MYO3B: variants seen among roughly 807,000 people sequenced by gnomAD.
The protein encoded by MYO3B is myosin IIIB, also known as myosin-IIIb.
MYO3B carries 156 observed loss-of-function variants against 174.6 expected under a neutral mutation model. The ratio of observed to expected loss-of-function variants is 0.89; its 90% CI spans 0.78 to 1.02. The LOEUF (loss-of-function observed/expected upper bound fraction) is 1.02, where lower values mean the gene tolerates loss of function less well. Ranked by LOEUF, MYO3B falls within the 50% of genes least tolerant of loss-of-function variation. MYO3B has a pLI of 0.00. For synonymous variants in MYO3B, 563 were observed against 569.1 expected (o/e 0.99, Z 0.15); for missense variants, 1,632 against 1,639.4 (o/e 1.00, Z 0.08).
chr2:170,416,509 C>T (rs1444865348), intron 22 of MYO3B, among the ~76,000 whole-genome samples: 4 of 131,278 alleles, frequency 3.0e-5, no homozygotes, highest in East Asian at 2.3e-4. Context: ...GGCAACAGAG[C>T]GAGACTCCGT....
At chr2:170,635,064 A>G (rs528370993) in intron 32 of MYO3B, among the ~76,000 whole-genome samples, 2 of 152,350 alleles carry the variant, frequency 1.3e-5, no homozygotes, top group East Asian at 3.8e-4. Flanking sequence ...CGATTCCTCA[A>G]GGATCCAGAA....
intron 25 of MYO3B, among the ~76,000 whole-genome samples, chr2:170,491,193 C>T (rs1161163155): frequency 6.6e-6 from 1 of 152,122 alleles, no homozygotes; most frequent in Non-Finnish European, 1.5e-5. Context: ...TAACACTATA[C>T]ATTTCTAAAT....
intron 30 of MYO3B, among the ~76,000 whole-genome samples, chr2:170,539,821 C>T (rs952637107): frequency 4.6e-5 from 7 of 151,872 alleles, no homozygotes; most frequent in Non-Finnish European, 7.4e-5. Flanking sequence ...AGGGTTTCAC[C>T]ATGTTGCCCA....
Position 170,466,489 on chromosome 2 carries a change from A to C in MYO3B, c.2809-17A>C, listed in dbSNP as rs1210794422. The C allele has an allele frequency of 1.2e-6, 2 of 1,612,754 alleles. No individual in the cohort carries two copies. The highest frequency in any genetic ancestry group is 1.7e-5 in the Admixed American group (1 of 59,984). Reference sequence around the variant, plus strand: ...TTGGTGGTAACCTTGTTCCTTGTGCATTTTTCTCCCTGGTAGTATTCTCTG... The same window carrying C: ...TTGGTGGTAACCTTGTTCCTTGTGCCTTTTTCTCCCTGGTAGTATTCTCTG... On this transcript the variant is annotated splice_polypyrimidine_tract_variant and intron_variant, in intron 24 of 34. Transcript: ENST00000408978.
intron 30 of MYO3B, among the ~76,000 whole-genome samples, chr2:170,535,142 G>T (rs1318310536): frequency 6.6e-6 from 1 of 152,132 alleles, no homozygotes; most frequent in Non-Finnish European, 1.5e-5. Context: ...CTTGAATGTA[G>T]GTTCATGAGC....
chr2:170,372,863 A>G (rs1460736224), intron 9 of MYO3B, among the ~76,000 whole-genome samples: 2 of 152,168 alleles, frequency 1.3e-5, no homozygotes, highest in Non-Finnish European at 2.9e-5. Flanking sequence ...AAGAAAGAGC[A>G]ATGAGCAAAG....
chr2:170,188,278 C>CT (rs1482155430), intron 1 of MYO3B, among the ~76,000 whole-genome samples: 2 of 152,198 alleles, frequency 1.3e-5, no homozygotes, highest in East Asian at 3.9e-4. Flanking sequence ...TACCTCTGCT[C>CT]TTTTTTGGCT....
intron 12 of MYO3B, chr2:170,384,020 CAT>C (rs2094355439): frequency 2.0e-6 from 1 of 510,802 alleles, no homozygotes; most frequent in Non-Finnish European, 3.5e-6. Context: ...TTTCAAGAAA[CAT>C]AAAACAGTCA....
chr2:170,421,987 A>C (rs2094618978), intron 22 of MYO3B, among the ~76,000 whole-genome samples: 1 of 152,132 alleles, frequency 6.6e-6, no homozygotes, highest in African/African-American at 2.4e-5. Flanking sequence ...GGAATGAAGA[A>C]CTCTGAACTG....
At position 170,374,758 on chromosome 2, in the gene MYO3B, TACACACACACACAC is replaced by T. The variant is rs201921789; in HGVS notation, c.971+5410_971+5423del. Among the ~76,000 whole-genome samples, 81 of 140,068 alleles carry T rather than the reference TACACACACACACAC, an allele frequency of 5.8e-4. No individual in the cohort carries two copies. In the South Asian group the frequency reaches 0.016, roughly 27 times the overall value. 91.9% of individuals were successfully genotyped at this position (140,068 alleles called of 152,430 possible). On this transcript the variant is annotated intron_variant, in intron 9 of 34. Transcript: ENST00000408978. ...CTCTCTATATATATATATGCATACA[TACACACACACACAC>T]ACACACACACACACACACACACACA...
intron 6 of MYO3B, 85 bp downstream of exon 6, chr2:170,217,480 C>A: frequency 8.4e-7 from 1 of 1,195,928 alleles, no homozygotes; most frequent in Non-Finnish European, 1.2e-6. Context: ...ATATGCTTTG[C>A]AGAATTTTTA....
At chr2:170,622,264 GA>G (rs1201644782) in intron 32 of MYO3B, among the ~76,000 whole-genome samples, 1 of 152,114 alleles carries the variant, frequency 6.6e-6, no homozygotes, top group Non-Finnish European at 1.5e-5. Flanking sequence ...GTACAGTTTT[GA>G]AGCTAGAAAT....
intron 32 of MYO3B, among the ~76,000 whole-genome samples, chr2:170,555,807 G>A (rs575404904): frequency 6.6e-6 from 1 of 152,260 alleles, no homozygotes; most frequent in Non-Finnish European, 1.5e-5. Context: ...AGGAGGTCGA[G>A]GGTGCAGTGA....
intron 22 of MYO3B, among the ~76,000 whole-genome samples, chr2:170,412,603 A>G (rs1044513077): frequency 7.2e-5 from 11 of 152,192 alleles, no homozygotes; most frequent in Admixed American, 1.3e-4. Context: ...GTAAAGCACT[A>G]TAACACCTTC....
rs1698760847 is a variant in MYO3B, at chr2:170,649,262, AAT to A, written c.3734-2361_3734-2360del. ...ATATATTATATATAAAATAATATAT[AAT>A]ATATTATATATAAAATAATATATAT... is the stretch of plus-strand genomic sequence containing the variant. On this transcript the variant is annotated intron_variant, in intron 32 of 34. Transcript: ENST00000408978. Among the ~76,000 whole-genome samples the A allele has an allele frequency of 5.2e-5, 2 of 38,112 alleles. 1 individual carries two copies. The highest frequency in any genetic ancestry group is 3.7e-4 in the African/African-American group (2 of 5,434). 25.0% of individuals were successfully genotyped at this position (38,112 alleles called of 152,430 possible). A position where few individuals can be genotyped will look rare whatever the true frequency, so the allele number is the denominator to read the frequency against.
Position 170,466,557 on chromosome 2 carries a change from G to A in MYO3B, c.2860G>A (p.Val954Met), listed in dbSNP as rs377700289. Residue 954 changes from valine to methionine, a missense_variant, in exon 25 of 35, where the codon GTG becomes ATG. Val to Met is a conservative substitution (Grantham distance 21). Coordinates refer to ENST00000408978, the MANE Select transcript of MYO3B (RefSeq NM_138995.5). Reference protein sequence around the residue: ...SKMVVGQPHFVRCIKPNDDRE... With the variant: ...SKMVVGQPHFMRCIKPNDDRE... ...AATGGTGGTTGGACAGCCCCACTTT[G>A]TGCGCTGCATTAAACCCAATGATGA... 4 of 1,614,066 alleles carry A rather than the reference G, an allele frequency of 2.5e-6. No individual in the cohort carries two copies. The African/African-American group carries it at 5.3e-5, about 22-fold the overall frequency.
intron 7 of MYO3B, among the ~76,000 whole-genome samples, chr2:170,330,275 G>A (rs566527436): frequency 5.9e-5 from 9 of 152,138 alleles, no homozygotes; most frequent in African/African-American, 2.2e-4. Context: ...CCTTCTTGAG[G>A]CATTGCTTGC....
At chr2:170,619,037 A>G (rs1351843426) in intron 32 of MYO3B, among the ~76,000 whole-genome samples, 1 of 152,216 alleles carries the variant, frequency 6.6e-6, no homozygotes, top group Admixed American at 6.5e-5. Context: ...CAGGATGTGA[A>G]GCTAGACAAC....
intron 6 of MYO3B, among the ~76,000 whole-genome samples, chr2:170,235,056 C>T (rs1435698997): frequency 6.6e-6 from 1 of 152,196 alleles, no homozygotes; most frequent in Non-Finnish European, 1.5e-5. Context: ...TTATGATGGC[C>T]TAAGAGGGTG....
Sources: gnomAD v4.1 joint callset for allele counts (sites outside exome capture counted in the v4.1 genomes callset) on GRCh38, gnomAD v4.1.1 for gene constraint, MANE v1.5 for transcripts, NCBI Gene and HGNC (gene_info 2026-07-23, HGNC 2026-07-21) for gene names.